The following ZBTB8A variants were observed in gnomAD, a reference collection of about 807,000 sequenced individuals.
ZBTB8A encodes zinc finger and BTB domain-containing protein 8A.
A neutral mutation model predicts 37.8 loss-of-function variants in ZBTB8A; 19 were observed. The ratio of observed to expected loss-of-function variants is 0.50; its 90% CI spans 0.35 to 0.74. The LOEUF (loss-of-function observed/expected upper bound fraction) is 0.74. ZBTB8A is among the 30% of genes least tolerant of loss of function. The pLI is 0.01. For missense variants in ZBTB8A, 394 were observed against 537.8 expected (o/e 0.73, Z 2.65); for synonymous variants, 181 against 185.2 (o/e 0.98, Z 0.19).
At chr1:32,542,235 G>A (rs1236477185) in intron 1 of ZBTB8A, among the ~76,000 whole-genome samples, 2 of 147,536 alleles carry the variant, frequency 1.4e-5, no homozygotes, top group Non-Finnish European at 3.0e-5. Flanking sequence ...TTAAATTTTA[G>A]ATTAATGACT....
intron 2 of ZBTB8A, among the ~76,000 whole-genome samples, chr1:32,583,287 G>A (rs1199918024): frequency 6.6e-6 from 1 of 151,552 alleles, no homozygotes; most frequent in Non-Finnish European, 1.5e-5. Context: ...GGCTGAGGTA[G>A]GAGGATTGCT....
chr1:32,590,146 C>A (rs984609078), intron 2 of ZBTB8A, among the ~76,000 whole-genome samples: 1 of 151,826 alleles, frequency 6.6e-6, no homozygotes, highest in South Asian at 2.1e-4. Flanking sequence ...GTTGCCCAGG[C>A]TGGTCTCGAA....
At chr1:32,557,270 C>G (rs995694003) in intron 2 of ZBTB8A, among the ~76,000 whole-genome samples, 1 of 152,098 alleles carries the variant, frequency 6.6e-6, no homozygotes. Flanking sequence ...CCATTGCACT[C>G]CAGCCTGGGC....
At chr1:32,588,879 G>A (rs1644467876) in intron 2 of ZBTB8A, among the ~76,000 whole-genome samples, 1 of 151,886 alleles carries the variant, frequency 6.6e-6, no homozygotes, top group Non-Finnish European at 1.5e-5. Context: ...AGCTACTCAG[G>A]AGGCTGAAGC....
intron 2 of ZBTB8A, among the ~76,000 whole-genome samples, chr1:32,575,226 CTT>C (rs778765276): frequency 6.9e-5 from 7 of 101,008 alleles, no homozygotes; most frequent in Non-Finnish European, 1.2e-4. Context: ...CTTTTCTTTC[CTT>C]TTTTTTTTTT....
In ZBTB8A at chr1:32,603,124, C is replaced by T. The variant is rs1644589731; in HGVS notation, c.*2705C>T. The stretch of plus-strand genomic sequence containing the variant: ...TCTCTGTTCTCCCAACATGGCTGTT[C>T]CTAAATCAGGATTCTGGTTTTTTTG... On this transcript the variant is annotated 3_prime_UTR_variant, in exon 5 of 5. Coordinates refer to ENST00000373510, the MANE Select transcript of ZBTB8A (RefSeq NM_001040441.3). 6.6e-6 allele frequency: 1 copy of T among 152,106 alleles called. No individual in the cohort carries two copies. The highest frequency in any genetic ancestry group is 1.5e-5 in the Non-Finnish European group (1 of 68,042). The allele number at this position is 152,106 out of a possible 1,614,324, so 9.4% of individuals were successfully genotyped here. A position where few individuals can be genotyped will look rare whatever the true frequency, so the allele number is the denominator to read the frequency against.
intron 1 of ZBTB8A, among the ~76,000 whole-genome samples, chr1:32,540,715 C>A (rs940310608): frequency 6.6e-6 from 1 of 152,236 alleles, no homozygotes; most frequent in South Asian, 2.1e-4. Flanking sequence ...AGCTTCTGCT[C>A]CAGTCTTATC....
chr1:32,596,109 C>T (rs1224081278), intron 4 of ZBTB8A, among the ~76,000 whole-genome samples: 1 of 152,092 alleles, frequency 6.6e-6, no homozygotes, highest in African/African-American at 2.4e-5. Context: ...GTGGCTCACG[C>T]CTGTAATCCC....
At position 32,605,531 on chromosome 1, in the gene ZBTB8A, C is replaced by T. The variant is rs1644610761; in HGVS notation, c.*5112C>T. 6.6e-6 allele frequency: 1 copy of T among 151,166 alleles called. No individual in the cohort carries two copies. The highest frequency in any genetic ancestry group is 2.4e-5 in the African/African-American group (1 of 41,100). The allele number at this position is 151,166 out of a possible 1,614,324, so 9.4% of individuals were successfully genotyped here. On this transcript the variant is annotated 3_prime_UTR_variant, in exon 5 of 5. Coordinates refer to ENST00000373510, the MANE Select transcript of ZBTB8A (RefSeq NM_001040441.3). ...CCAGCCTGGGGCAATATAGTGAAAC[C>T]CCTTCTCTACTAAAAATACAAAAAT...
chr1:32,585,565 C>A (rs963597104), intron 2 of ZBTB8A, among the ~76,000 whole-genome samples: 3 of 151,986 alleles, frequency 2.0e-5, no homozygotes, highest in African/African-American at 7.3e-5. Context: ...ATGAAGTATA[C>A]CATGTTCACG....
In ZBTB8A at chr1:32,601,413, G is replaced by T. The variant is rs921165839; in HGVS notation, c.*994G>T. ...CGATTGAACCTGGAAGGCAGAAGTT[G>T]CAGTGAGCCGAGATCACACCATTGC... On this transcript the variant is annotated 3_prime_UTR_variant, in exon 5 of 5. Transcript: ENST00000373510. 9.5e-5 allele frequency: 33 copies of T among 347,594 alleles called. No individual in the cohort carries two copies. The highest frequency in any genetic ancestry group is 7.5e-4 in the Middle Eastern group (1 of 1,330). 21.5% of individuals were successfully genotyped at this position (347,594 alleles called of 1,614,324 possible).
chr1:32,545,793 ACTT>A (rs770537209), intron 1 of ZBTB8A, among the ~76,000 whole-genome samples: 33 of 152,060 alleles, frequency 2.2e-4, no homozygotes, highest in Non-Finnish European at 3.1e-4. Context: ...TCATGTATAA[ACTT>A]CTTTTCATCC....
intron 4 of ZBTB8A, among the ~76,000 whole-genome samples, chr1:32,599,562 C>T (rs532941612): frequency 1.6e-4 from 24 of 151,978 alleles, no homozygotes; most frequent in Non-Finnish European, 3.4e-4. Context: ...ACTAAAAATA[C>T]AAAAATTAGC....
In ZBTB8A at chr1:32,593,477, G is replaced by A; in HGVS notation, c.546G>A (p.Lys182=). Reference sequence around the variant, plus strand: ...TAATAAGTGGAAAATCTTGGAATAAGTATAATTATCATCCAGCCTCCCAGA... The same window carrying A: ...TAATAAGTGGAAAATCTTGGAATAAATATAATTATCATCCAGCCTCCCAGA... ...TGIISGKSWN[K]YNYHPASQKN... The change falls in exon 3 of 5, where the codon AAG becomes AAA. Residue 182 remains lysine, a synonymous_variant. Coordinates refer to ENST00000373510, the MANE Select transcript of ZBTB8A (RefSeq NM_001040441.3). 1 of 1,614,026 alleles carries A rather than the reference G, an allele frequency of 6.2e-7. No homozygotes were observed. Among genetic ancestry groups the A allele is most frequent in the Non-Finnish European group, 8.5e-7 (1 of 1,180,034 alleles).
intron 2 of ZBTB8A, among the ~76,000 whole-genome samples, chr1:32,590,093 A>G (rs1644477062): frequency 6.6e-6 from 1 of 151,010 alleles, no homozygotes; most frequent in Non-Finnish European, 1.5e-5. Flanking sequence ...TTTTAACTTT[A>G]TTTATTATTT....
At chr1:32,565,800 A>G (rs1045507564) in intron 2 of ZBTB8A, among the ~76,000 whole-genome samples, 1 of 152,098 alleles carries the variant, frequency 6.6e-6, no homozygotes, top group Admixed American at 6.6e-5. Flanking sequence ...TATGCTGGAC[A>G]TTATGCACTG....
intron 2 of ZBTB8A, among the ~76,000 whole-genome samples, chr1:32,585,448 C>T (rs993552438): frequency 1.3e-5 from 2 of 151,936 alleles, no homozygotes; most frequent in Non-Finnish European, 2.9e-5. Flanking sequence ...AAAAAATGCC[C>T]ATTCACTATA....
intron 2 of ZBTB8A, among the ~76,000 whole-genome samples, chr1:32,558,747 C>T (rs563513586): frequency 3.6e-4 from 55 of 152,104 alleles, no homozygotes; most frequent in African/African-American, 1.2e-3. Flanking sequence ...TACATTTCAG[C>T]GGTTAAGAAA....
chr1:32,557,158 C>T lies in ZBTB8A; in HGVS notation c.-2+3618C>T, dbSNP rs564188040. ...CTCTACTAAAAATACAAAAATTAAC[C>T]GGGCGTGATGGTGTGCGCCTGTAGT... On this transcript the variant is annotated intron_variant, in intron 2 of 4. Coordinates refer to ENST00000373510, the MANE Select transcript of ZBTB8A (RefSeq NM_001040441.3). Among the ~76,000 whole-genome samples, 13 of 151,858 alleles carry T rather than the reference C, an allele frequency of 8.6e-5. No individual in the cohort carries two copies. The South Asian group carries it at 2.1e-3, about 24-fold the overall frequency.
Sources: allele counts gnomAD v4.1 joint callset (sites outside exome capture counted in the v4.1 genomes callset), GRCh38; gene constraint gnomAD v4.1.1; transcripts MANE v1.5; gene names NCBI Gene and HGNC (gene_info 2026-07-23, HGNC 2026-07-21).